Variants in ZC3H12C observed in about 807,000 individuals in gnomAD.
The protein encoded by ZC3H12C is probable ribonuclease ZC3H12C.
Under a neutral mutation model 76.3 loss-of-function variants are expected in ZC3H12C, and 20 were observed. The observed-to-expected ratio is 0.26, with a 90% CI of 0.18 to 0.38. The LOEUF is 0.38. ZC3H12C is among the 10% of genes least tolerant of loss of function. ZC3H12C has a pLI of 1.00. For synonymous variants in ZC3H12C, 352 were observed against 399.6 expected (o/e 0.88, Z 1.42); for missense variants, 874 against 1,086.5 (o/e 0.80, Z 2.75).
chr11:110,112,538 C>G (rs1861452332), intron 1 of ZC3H12C, among the ~76,000 whole-genome samples: 2 of 152,166 alleles, frequency 1.3e-5, no homozygotes, highest in Non-Finnish European at 2.9e-5. Flanking sequence ...GAAGGAGCAA[C>G]TAGGAATAAA....
At chr11:110,139,935 A>G (rs1862040449) in intron 2 of ZC3H12C, among the ~76,000 whole-genome samples, 1 of 143,066 alleles carries the variant, frequency 7.0e-6, no homozygotes, top group Non-Finnish European at 1.5e-5. Flanking sequence ...GTGGCATGAT[A>G]TATTTTCTTA....
At chr11:110,096,110 C>T (rs1343440981) in intron 1 of ZC3H12C, among the ~76,000 whole-genome samples, 1 of 152,136 alleles carries the variant, frequency 6.6e-6, no homozygotes, top group Non-Finnish European at 1.5e-5. Flanking sequence ...GAAGATTCAA[C>T]AAAACACATG....
intron 1 of ZC3H12C, among the ~76,000 whole-genome samples, chr11:110,125,901 T>TGA (rs1861734962): frequency 2.8e-5 from 2 of 72,076 alleles, no homozygotes; most frequent in Non-Finnish European, 5.8e-5. Context: ...TGCTGAATCA[T>TGA]CAGAGAGATA....
chr11:110,152,332 A>G (rs1322760547), intron 2 of ZC3H12C, among the ~76,000 whole-genome samples: 1 of 152,196 alleles, frequency 6.6e-6, no homozygotes, highest in Non-Finnish European at 1.5e-5. Context: ...TCACTGCATT[A>G]TATGCAAAGT....
chr11:110,139,922 G>A (rs1424143489), intron 2 of ZC3H12C, among the ~76,000 whole-genome samples: 3 of 145,062 alleles, frequency 2.1e-5, no homozygotes, highest in Non-Finnish European at 4.5e-5. Flanking sequence ...AGGCTGGAGT[G>A]CAGTGGCATG....
At chr11:110,119,433 A>T (rs759190355) in intron 1 of ZC3H12C, among the ~76,000 whole-genome samples, 1 of 152,168 alleles carries the variant, frequency 6.6e-6, no homozygotes, top group Admixed American at 6.5e-5. Context: ...TATGATTCAA[A>T]TGCAGTTTAA....
chr11:110,106,832 C>T (rs115294461), intron 1 of ZC3H12C, among the ~76,000 whole-genome samples: 1,743 of 152,234 alleles, frequency 0.011, 31 homozygotes, highest in African/African-American at 0.039. Context: ...AGTTGAGTCT[C>T]GTGATTTTCA....
chr11:110,159,113 G>A, intron 3 of ZC3H12C, 143 bp from the exon 4 acceptor site: 1 of 637,580 alleles, frequency 1.6e-6, no homozygotes, highest in South Asian at 2.1e-5. Context: ...AAATGATGCT[G>A]TATCTACAAA....
chr11:110,140,826 G>A (rs1280801816), intron 2 of ZC3H12C, among the ~76,000 whole-genome samples: 1 of 152,100 alleles, frequency 6.6e-6, no homozygotes, highest in East Asian at 1.9e-4. Flanking sequence ...TTAGTGATAC[G>A]GAGCTACTAG....
intron 2 of ZC3H12C, among the ~76,000 whole-genome samples, chr11:110,151,051 C>G (rs1862263738): frequency 6.6e-6 from 1 of 151,974 alleles, no homozygotes; most frequent in African/African-American, 2.4e-5. Flanking sequence ...TAACGACATG[C>G]CGTTTTTCAT....
intron 1 of ZC3H12C, among the ~76,000 whole-genome samples, chr11:110,133,670 A>C (rs934588090): frequency 6.6e-6 from 1 of 152,218 alleles, no homozygotes; most frequent in African/African-American, 2.4e-5. Context: ...ATTGGTATAC[A>C]AATGAGGTTT....
chr11:110,125,472 C>T (rs10891058), intron 1 of ZC3H12C, among the ~76,000 whole-genome samples: 106,545 of 149,988 alleles, frequency 0.71, 38,306 homozygotes, highest in East Asian at 0.89. Context: ...AGACACATGC[C>T]ACCATGCTAA....
intron 1 of ZC3H12C, among the ~76,000 whole-genome samples, chr11:110,134,945 C>G (rs76822531): frequency 0.017 from 2,560 of 152,242 alleles, 67 homozygotes; most frequent in African/African-American, 0.057. Flanking sequence ...CATTACTTGA[C>G]TCTCTAATTA....
intron 1 of ZC3H12C, among the ~76,000 whole-genome samples, chr11:110,129,420 C>T (rs1374492840): frequency 6.6e-6 from 1 of 152,004 alleles, no homozygotes. Flanking sequence ...TAGAGACGAT[C>T]TCATTTGCAT....
chr11:110,110,305 G>A (rs1861403915), intron 1 of ZC3H12C, among the ~76,000 whole-genome samples: 1 of 152,000 alleles, frequency 6.6e-6, no homozygotes, highest in Non-Finnish European at 1.5e-5. Context: ...GATATTAATA[G>A]TTCTCCACAC....
intron 2 of ZC3H12C, among the ~76,000 whole-genome samples, chr11:110,148,618 C>T (rs2134187595): frequency 6.6e-6 from 1 of 152,326 alleles, no homozygotes; most frequent in Non-Finnish European, 1.5e-5. Flanking sequence ...AAAGGACTCA[C>T]TTGAGATATA....
intron 3 of ZC3H12C, among the ~76,000 whole-genome samples, chr11:110,157,023 A>C (rs1438613800): frequency 1.3e-5 from 2 of 152,084 alleles, no homozygotes; most frequent in Non-Finnish European, 2.9e-5. Flanking sequence ...TACTAAAATT[A>C]CAAAAATTAG....
At chr11:110,111,260 T>C (rs985320659) in intron 1 of ZC3H12C, among the ~76,000 whole-genome samples, 3 of 152,206 alleles carry the variant, frequency 2.0e-5, no homozygotes, top group Non-Finnish European at 2.9e-5. Context: ...TTTTACTAGA[T>C]TGGATACTTA....
intron 1 of ZC3H12C, among the ~76,000 whole-genome samples, chr11:110,105,682 A>G (rs1283771235): frequency 6.6e-6 from 1 of 152,140 alleles, no homozygotes; most frequent in Admixed American, 6.5e-5. Context: ...ATCTTTATAA[A>G]CACATTCTTT....
Sources: allele counts gnomAD v4.1 joint callset (sites outside exome capture counted in the v4.1 genomes callset), GRCh38; gene constraint gnomAD v4.1.1; transcripts MANE v1.5; gene names NCBI Gene and HGNC (gene_info 2026-07-23, HGNC 2026-07-21).